The following RPS3 variants were observed in gnomAD, a reference collection of about 807,000 sequenced individuals.
RPS3 encodes small ribosomal subunit protein uS3.
Under a neutral mutation model 25.8 loss-of-function variants are expected in RPS3, and 2 were observed. The ratio of observed to expected loss-of-function variants is 0.08; its 90% CI spans 0.03 to 0.24. The LOEUF is 0.24. Ranked by LOEUF, RPS3 falls within the 10% of genes least tolerant of loss-of-function variation. RPS3 has a pLI of 1.00. For synonymous variants in RPS3, 114 were observed against 114.2 expected (o/e 1.00, Z 0.01); for missense variants, 107 against 307.1 (o/e 0.35, Z 4.87).
chr11:75,418,555 C>T (rs71467880), intron 6 of RPS3, among the ~76,000 whole-genome samples: 3,001 of 152,154 alleles, frequency 0.02, 40 homozygotes, highest in Middle Eastern at 0.044. Context: ...TTGTTTAATG[C>T]ACTCTTCTTC....
chr11:75,406,765 G>C lies in RPS3; in HGVS notation c.*1155G>C, dbSNP rs1484847628. On this transcript the variant is annotated 3_prime_UTR_variant, in exon 7 of 7. Transcript: ENST00000531188. Reference sequence around the variant, plus strand: ...TCAAAAATAATCAAAAAGGATGGTTGTGTGTGTATTGAACATGTAGACTTA... The same window carrying C: ...TCAAAAATAATCAAAAAGGATGGTTCTGTGTGTATTGAACATGTAGACTTA... The C allele has an allele frequency of 1.3e-5, 2 of 152,210 alleles. No homozygotes were observed. The highest frequency in any genetic ancestry group is 2.9e-5 in the Non-Finnish European group (2 of 68,044). The allele number at this position is 152,210 out of a possible 1,614,324, so 9.4% of individuals were successfully genotyped here.
At chr11:75,408,914 G>C (rs1301432433), downstream of RPS3, among the ~76,000 whole-genome samples, 2 of 152,172 alleles carry the variant, frequency 1.3e-5, no homozygotes, top group Non-Finnish European at 2.9e-5. Context: ...CAGAGTTTGA[G>C]AAGTATAAAT....
At chr11:75,416,916 A>T (rs776213512) in intron 6 of RPS3, among the ~76,000 whole-genome samples, 1 of 152,236 alleles carries the variant, frequency 6.6e-6, no homozygotes, top group Non-Finnish European at 1.5e-5. Context: ...TTAGATTTTG[A>T]TATTATTTTA....
chr11:75,412,566 C>G (rs1948366953), intron 6 of RPS3, among the ~76,000 whole-genome samples: 1 of 152,144 alleles, frequency 6.6e-6, no homozygotes. Context: ...ACATACTGCC[C>G]TCAGGGACTC....
chr11:75,419,373 G>A (rs76730063), intron 6 of RPS3, among the ~76,000 whole-genome samples: 4,181 of 152,016 alleles, frequency 0.028, 94 homozygotes, highest in Non-Finnish European at 0.043. Flanking sequence ...GACCAACATG[G>A]TGAAACCCTG....
intron 6 of RPS3, among the ~76,000 whole-genome samples, chr11:75,415,069 C>T (rs774515666): frequency 6.6e-6 from 1 of 152,214 alleles, no homozygotes; most frequent in Non-Finnish European, 1.5e-5. Context: ...GCTCCTCACT[C>T]TTACCTGGGA....
intron 6 of RPS3, among the ~76,000 whole-genome samples, chr11:75,416,943 C>A (rs970470886): frequency 1.3e-5 from 2 of 152,200 alleles, no homozygotes; most frequent in African/African-American, 4.8e-5. Flanking sequence ...AAACCATTCT[C>A]TTTTTTTCCT....
Position 75,414,442 on chromosome 11 carries a change from T to A in RPS3, c.*4-7285T>A, listed in dbSNP as rs187854219. Among the ~76,000 whole-genome samples, 485 of 152,228 alleles carry A rather than the reference T, an allele frequency of 3.2e-3. 2 individuals are homozygous for A. Among genetic ancestry groups the A allele is most frequent in the African/African-American group, 9.0e-3 (373 of 41,536 alleles). On this transcript the variant is annotated intron_variant, in intron 6 of 6. Coordinates refer to the RPS3 transcript ENST00000527446. Reference sequence around the variant, plus strand: ...CTGGCTAACACGGTGAAACCCTGTCTCTACTAAAAATACAAAAAATTAGCC... The same window carrying A: ...CTGGCTAACACGGTGAAACCCTGTCACTACTAAAAATACAAAAAATTAGCC...
chr11:75,405,837 T>A lies in RPS3; in HGVS notation c.*227T>A, dbSNP rs1371393857. The A allele has an allele frequency of 3.7e-6, 1 of 270,294 alleles. No individual in the cohort carries two copies. The highest frequency in any genetic ancestry group is 2.2e-5 in the African/African-American group (1 of 44,660). 16.7% of individuals were successfully genotyped at this position (270,294 alleles called of 1,614,324 possible). On this transcript the variant is annotated 3_prime_UTR_variant, in exon 7 of 7. Coordinates refer to ENST00000531188, the MANE Select transcript of RPS3 (RefSeq NM_001005.5). ...AGCAGAGCCAACCAGAGAAATAATATTTGTGTGATAGAGAAGGCTGATAGC... is the reference window on the plus strand; with the variant it reads ...AGCAGAGCCAACCAGAGAAATAATAATTGTGTGATAGAGAAGGCTGATAGC...
In RPS3 at chr11:75,405,042, A is replaced by G. The variant is rs17887076; in HGVS notation, c.*3+174A>G. The G allele has an allele frequency of 8.7e-3, 4,260 of 492,260 alleles. 30 individuals carry two copies. The highest frequency in any genetic ancestry group is 0.015 in the African/African-American group (746 of 51,392). 30.5% of individuals were successfully genotyped at this position (492,260 alleles called of 1,614,324 possible). A position where few individuals can be genotyped will look rare whatever the true frequency, so the allele number is the denominator to read the frequency against. On this transcript the variant is annotated intron_variant, in intron 6 of 6. Transcript: ENST00000531188. ...GGGGTCTATTTAACCCTTGGTTCCAATGGGACAGGTGTTGCCTTTATTCTT... is the reference window on the plus strand; with the variant it reads ...GGGGTCTATTTAACCCTTGGTTCCAGTGGGACAGGTGTTGCCTTTATTCTT...
chr11:75,400,915 C>G (rs1424035011), intron 2 of RPS3, 91 bp downstream of exon 2: 2 of 1,436,510 alleles, frequency 1.4e-6, no homozygotes, highest in Admixed American at 4.3e-5. Context: ...CGGAGTCTTG[C>G]TCTGTCCCCA....
At chr11:75,402,069 T>C in intron 3 of RPS3, 1 of 546,098 alleles carries the variant, frequency 1.8e-6, no homozygotes, top group South Asian at 2.3e-5. Context: ...TGAGGGATAC[T>C]GAAATTATAT....
chr11:75,404,538 A>G lies in RPS3; in HGVS notation c.539-134A>G. ...TTTGGCAGAAGTGTCCTATTTATTG[A>G]TCGATTTAGAGGCATTTGTCTGAGA... On this transcript the variant is annotated intron_variant, in intron 5 of 6. Coordinates refer to ENST00000531188, the MANE Select transcript of RPS3 (RefSeq NM_001005.5). This position sits in a 1 kb window ranked among gnomAD's most constrained non-coding sequence, Gnocchi z 4.6. 1.1e-6 allele frequency: 1 copy of G among 885,552 alleles called. No homozygotes were observed. Among genetic ancestry groups the G allele is most frequent in the Non-Finnish European group, 1.9e-6 (1 of 515,146 alleles). 54.9% of individuals were successfully genotyped at this position (885,552 alleles called of 1,614,324 possible).
rs1365316027 is a variant in RPS3, at chr11:75,405,716, T to G, written c.*106T>G. ...AAGGTCTGACTAGACTGTTCAGTAT[T>G]CAGACTGAGGGGCATGTTGGCCTCT... On this transcript the variant is annotated 3_prime_UTR_variant, in exon 7 of 7. Coordinates refer to ENST00000531188, the MANE Select transcript of RPS3 (RefSeq NM_001005.5). 2.2e-6 allele frequency: 1 copy of G among 449,692 alleles called. No individual in the cohort carries two copies. 27.9% of individuals were successfully genotyped at this position (449,692 alleles called of 1,614,324 possible). A position where few individuals can be genotyped will look rare whatever the true frequency, so the allele number is the denominator to read the frequency against.
At chr11:75,407,568 T>G (rs566151500), downstream of RPS3, among the ~76,000 whole-genome samples, 1 of 152,056 alleles carries the variant, frequency 6.6e-6, no homozygotes, top group Admixed American at 6.5e-5. Flanking sequence ...GCCTCCCTGG[T>G]TCACACCATC....
At chr11:75,418,622 A>C (rs1046531072) in intron 6 of RPS3, among the ~76,000 whole-genome samples, 1 of 152,236 alleles carries the variant, frequency 6.6e-6, no homozygotes, top group Non-Finnish European at 1.5e-5. Context: ...CGAATTAAAA[A>C]AAAATTTTAG....
chr11:75,400,943 C>T (rs921675922), intron 2 of RPS3, 119 bp downstream of exon 2: 22 of 1,324,714 alleles, frequency 1.7e-5, no homozygotes, highest in Middle Eastern at 3.1e-4. Flanking sequence ...AGTGCAGTGG[C>T]GCGATCTCGG....
chr11:75,406,157 G>A lies in RPS3; in HGVS notation c.*547G>A, dbSNP rs1255454454. The A allele has an allele frequency of 6.6e-6, 1 of 152,524 alleles. No individual in the cohort carries two copies. The highest frequency in any genetic ancestry group is 1.5e-5 in the Non-Finnish European group (1 of 68,276). 9.4% of individuals were successfully genotyped at this position (152,524 alleles called of 1,614,324 possible). Reference sequence around the variant, plus strand: ...CTATCATTAGAATCCACATTCCTAAGTTGTGTTCTCTTAGGGGATCATGGA... The same window carrying A: ...CTATCATTAGAATCCACATTCCTAAATTGTGTTCTCTTAGGGGATCATGGA... On this transcript the variant is annotated 3_prime_UTR_variant, in exon 7 of 7. Transcript: ENST00000531188.
chr11:75,400,389 C>T lies in RPS3; in HGVS notation c.31-305C>T, dbSNP rs375189049. On this transcript the variant is annotated intron_variant, in intron 1 of 6. Transcript: ENST00000531188. ...GTTTTGCATGTGGAACTGTTTTAAA[C>T]CCTTCGATGAAGAGATGATGACGAG... 1.3e-5 allele frequency: 7 copies of T among 535,498 alleles called. No individual in the cohort carries two copies. The East Asian group carries it at 2.0e-4, about 15-fold the overall frequency. 33.2% of individuals were successfully genotyped at this position (535,498 alleles called of 1,614,324 possible).
Sources: allele counts gnomAD v4.1 joint callset (sites outside exome capture counted in the v4.1 genomes callset), GRCh38; gene constraint gnomAD v4.1.1; non-coding constraint Gnocchi (gnomAD v3.1); transcripts MANE v1.5; gene names NCBI Gene and HGNC (gene_info 2026-07-23, HGNC 2026-07-21).